ANO7: variants seen among roughly 807,000 people sequenced by gnomAD.
ANO7 encodes anoctamin-7.
Under a neutral mutation model 115.8 loss-of-function variants are expected in ANO7, and 114 were observed. The observed-to-expected ratio is 0.98, with a 90% confidence interval of 0.85 to 1.15. ANO7 has a LOEUF of 1.15. Ranked by LOEUF, ANO7 falls within the 50% of genes most tolerant of loss-of-function variation. The pLI is 0.00. For synonymous variants in ANO7, 550 were observed against 498.2 expected, an observed-to-expected ratio of 1.10 and a Z score of -1.38; for missense variants, 1,302 against 1,201.2, an observed-to-expected ratio of 1.08 and a Z score of -1.24.
At position 241,199,299 on chromosome 2, in the gene ANO7, G is replaced by A. The variant is rs1437389364; in HGVS notation, c.310-17G>A. On this transcript the variant is annotated splice_polypyrimidine_tract_variant and intron_variant, in intron 4 of 24. Transcript: ENST00000674324. ...ACATGCACCCTCAGGCTCTCACGGAGCCCTGGGTGCCTACAGCAGGACGTC... is the reference window on the plus strand; with the variant it reads ...ACATGCACCCTCAGGCTCTCACGGAACCCTGGGTGCCTACAGCAGGACGTC... 1.2e-6 allele frequency: 2 copies of A among 1,609,922 alleles called. No individual in the cohort carries two copies. The highest frequency in any genetic ancestry group is 1.3e-5 in the African/African-American group (1 of 74,874).
chr2:241,191,550 C>T (rs1349295277), intron 3 of ANO7, among the ~76,000 whole-genome samples: 1 of 152,174 alleles, frequency 6.6e-6, no homozygotes, highest in Non-Finnish European at 1.5e-5. Flanking sequence ...TGTTCAGCCA[C>T]AACTCAGGTC....
rs117974610 is a variant in ANO7 at position 241,196,678 on chromosome 2, G to A, written c.309+833G>A. On this transcript the variant is annotated intron_variant, in intron 4 of 24. Transcript: ENST00000674324. ...CGGGGTCATTCCTGCGGTGAGGCCCGCCCATATGGCCAGTGACTGCTGCCC... is the reference window on the plus strand; with the variant it reads ...CGGGGTCATTCCTGCGGTGAGGCCCACCCATATGGCCAGTGACTGCTGCCC... Among the ~76,000 whole-genome samples, 257 of 152,308 alleles carry A rather than the reference G, an allele frequency of 1.7e-3. 2 individuals are homozygous for A. The East Asian group carries it at 0.023, about 14-fold the overall frequency.
chr2:241,229,779 C>T (rs772749218), downstream of ANO7: 24 of 1,560,794 alleles, frequency 1.5e-5, no homozygotes, highest in South Asian at 9.3e-5. Context: ...ACACCAAGCC[C>T]GCCTGCCCGC....
At chr2:241,237,642 G>T in the ANO7 span, among the ~76,000 whole-genome samples, 5 of 152,110 alleles carry the variant, frequency 3.3e-5, no homozygotes, top group Admixed American at 6.5e-5. Context: ...AAATGTGCTA[G>T]AATTATGTAA....
rs993380898 is a variant in ANO7 at position 241,214,999 on chromosome 2, GA to G, written c.1826+98del. 1.1e-5 allele frequency: 13 copies of G among 1,155,154 alleles called. No individual in the cohort carries two copies. The African/African-American group carries it at 2.0e-4, about 18-fold the overall frequency. The allele number at this position is 1,155,154 out of a possible 1,614,324, so 71.6% of individuals were successfully genotyped here. On this transcript the variant is annotated intron_variant, in intron 18 of 24. Coordinates refer to ENST00000674324, the MANE Select transcript of ANO7 (RefSeq NM_001370694.2). Reference sequence around the variant, plus strand: ...TCCAGCCCGGCCCTAGCTGGGAGAAGAGGTGAAGGGAAGGCACCTTGCCTGG... The same window carrying G: ...TCCAGCCCGGCCCTAGCTGGGAGAAGGGTGAAGGGAAGGCACCTTGCCTGG...
At position 241,223,740 on chromosome 2, in the gene ANO7, C is replaced by T. The variant is rs201390643; in HGVS notation, c.2491C>T (p.Arg831Trp). 1.5e-5 allele frequency: 24 copies of T among 1,614,026 alleles called. No homozygotes were observed. The highest frequency in any genetic ancestry group is 1.1e-4 in the East Asian group (5 of 44,894). ...AGAGTCTGTGGAGATCAAAGTGAAG[C>T]GGGAGTACTACCTGGCTAAGCAGGC... ...IPESVEIKVKREYYLAKQALA... is the reference protein window; with the variant it reads ...IPESVEIKVKWEYYLAKQALA... Residue 831 changes from arginine (R) to tryptophan (W), a missense_variant, in exon 23 of 25, where the codon CGG (arginine) becomes TGG (tryptophan). Coordinates refer to ENST00000674324, the MANE Select transcript of ANO7 (RefSeq NM_001370694.2).
Position 241,200,099 on chromosome 2 carries a change from A to G in ANO7, c.428A>G (p.Asn143Ser). ...RLKLPLQELP[N>S]QASNWSAGLL... is the part of the protein sequence containing the mutation. ...GACGTTTCCTTCCAGGAGTTACCCA[A>G]CCAGGCCTCCAACTGGTCGGCCGGC... Residue 143 changes from asparagine (N) to serine (S), a missense_variant, in exon 6 of 25, where the codon AAC becomes AGC. By Grantham distance (46) the Asn-to-Ser change is conservative. Transcript: ENST00000674324. The G allele has an allele frequency of 6.2e-7, 1 of 1,612,462 alleles. No individual in the cohort carries two copies. The highest frequency in any genetic ancestry group is 8.5e-7 in the Non-Finnish European group (1 of 1,179,958).
At chr2:241,189,812 C>T (rs748938759) in intron 1 of ANO7, among the ~76,000 whole-genome samples, 4 of 152,274 alleles carry the variant, frequency 2.6e-5, no homozygotes, top group Non-Finnish European at 5.9e-5. Flanking sequence ...GACAGACAGA[C>T]GCCTGCTGTG....
downstream of ANO7, among the ~76,000 whole-genome samples, chr2:241,226,351 T>C (rs913080407): frequency 4.6e-5 from 7 of 152,308 alleles, no homozygotes; most frequent in African/African-American, 1.7e-4. Flanking sequence ...TAGGGTCATT[T>C]TGCAGTTGTG....
the ANO7 span, chr2:241,240,051 G>GC: frequency 6.2e-7 from 1 of 1,614,160 alleles, no homozygotes; most frequent in Non-Finnish European, 8.5e-7. This position sits in a 1 kb window ranked among gnomAD's most constrained non-coding sequence, Gnocchi z 5.5. Flanking sequence ...GAATTTTGCC[G>GC]CCCCCCTTGC....
chr2:241,230,713 C>G (rs746073821), downstream of ANO7: 1 of 1,560,082 alleles, frequency 6.4e-7, no homozygotes, highest in Non-Finnish European at 8.8e-7. This position sits in a 1 kb window ranked among gnomAD's most constrained non-coding sequence, Gnocchi z 5.0. Context: ...GCCAGGTGCC[C>G]CCGGTGAGAG....
the ANO7 span, chr2:241,235,121 C>T: frequency 6.2e-7 from 1 of 1,612,558 alleles, no homozygotes. Context: ...TCCTGCTCAC[C>T]CGGTCCTCCT....
intron 3 of ANO7, among the ~76,000 whole-genome samples, chr2:241,195,481 G>A (rs781694138): frequency 7.2e-5 from 11 of 152,158 alleles, no homozygotes; most frequent in Non-Finnish European, 1.2e-4. Context: ...CCAGGCCTCC[G>A]TTCCCCACCC....
chr2:241,226,099 T>TCC (rs1252969026), downstream of ANO7, among the ~76,000 whole-genome samples: 1 of 151,922 alleles, frequency 6.6e-6, no homozygotes, highest in Non-Finnish European at 1.5e-5. Context: ...ACGTGGAAGC[T>TCC]CCCCGATGCC....
At position 241,217,841 on chromosome 2, in the gene ANO7, A is replaced by G. The variant is rs1023673837; in HGVS notation, c.2128A>G (p.Ile710Val). The G allele has an allele frequency of 1.2e-6, 2 of 1,607,124 alleles. No individual in the cohort carries two copies. The highest frequency in any genetic ancestry group is 1.7e-6 in the Non-Finnish European group (2 of 1,178,358). The change falls in exon 20 of 25, where the codon ATC becomes GTC. Residue 710 changes from isoleucine (I) to valine (V), a missense_variant. Physicochemically the swap from Ile to Val is conservative, Grantham distance 29. Transcript: ENST00000674324. Reference sequence around the variant, plus strand: ...GGCCGAGCGCGCCCAGGACATCGGCATCTGGTTCCACATCCTGGCGGGCCT... The same window carrying G: ...GGCCGAGCGCGCCCAGGACATCGGCGTCTGGTTCCACATCCTGGCGGGCCT... ...PVAERAQDIGIWFHILAGLTH... is the reference protein window; with the variant it reads ...PVAERAQDIGVWFHILAGLTH...
At chr2:241,190,939 G>A (rs1437251693) in intron 2 of ANO7, among the ~76,000 whole-genome samples, 1 of 152,200 alleles carries the variant, frequency 6.6e-6, no homozygotes, top group Non-Finnish European at 1.5e-5. Context: ...CCGGCTGGAG[G>A]CCCAGGGCTG....
chr2:241,205,545 C>G (rs1340351664), intron 10 of ANO7, among the ~76,000 whole-genome samples: 1 of 120,676 alleles, frequency 8.3e-6, no homozygotes, highest in African/African-American at 3.2e-5. Flanking sequence ...AAGGCTGACA[C>G]AGGTGGACAG....
chr2:241,218,416 G>A (rs952571978), intron 21 of ANO7, 35 bp downstream of exon 21: 3 of 1,284,676 alleles, frequency 2.3e-6, no homozygotes, highest in African/African-American at 3.1e-5. Context: ...GGCCGCGGGC[G>A]CACGAGGACG....
rs112735824 is a variant in ANO7, at chr2:241,210,318, C to T, written c.1383C>T (p.Leu461=). ...VVMVAVVVMC[L]VSIILYRAIM... ...AGGTGGCCGTGGTGGTCATGTGCCT[C>T]GTGTCTATCATCCTGTACCGTGCCA... The change falls in exon 14 of 25, where the codon CTC becomes CTT. Residue 461 remains leucine, a synonymous_variant. Transcript: ENST00000674324. 2.1e-4 allele frequency: 345 copies of T among 1,613,978 alleles called. No homozygotes were observed. The African/African-American group carries it at 2.7e-3, about 13-fold the overall frequency.
Sources: allele counts gnomAD v4.1 joint callset (sites outside exome capture counted in the v4.1 genomes callset), GRCh38; gene constraint gnomAD v4.1.1; non-coding constraint Gnocchi (gnomAD v3.1); transcripts MANE v1.5; gene names NCBI Gene and HGNC (gene_info 2026-07-23, HGNC 2026-07-21).